Variants in PPP2R5E observed in about 807,000 individuals in gnomAD.
PPP2R5E encodes serine/threonine-protein phosphatase 2A 56 kDa regulatory subunit epsilon isoform.
Under a neutral mutation model 65.3 loss-of-function variants are expected in PPP2R5E, and 4 were observed. The observed-to-expected ratio is 0.06, with a 90% CI of 0.03 to 0.14. The LOEUF (loss-of-function observed/expected upper bound fraction) is 0.14. PPP2R5E is among the 10% of genes least tolerant of loss of function. The pLI is 1.00. For missense variants in PPP2R5E, 274 were observed against 556.1 expected (o/e 0.49, Z 5.10); for synonymous variants, 183 against 187.4 (o/e 0.98, Z 0.19).
intron 2 of PPP2R5E, among the ~76,000 whole-genome samples, chr14:63,499,649 C>T (rs1891758276): frequency 6.6e-6 from 1 of 151,910 alleles, no homozygotes; most frequent in African/African-American, 2.4e-5. Flanking sequence ...ATCACTTGGA[C>T]CTGGGAGGCA....
intron 4 of PPP2R5E, among the ~76,000 whole-genome samples, chr14:63,420,416 T>G (rs1406670953): frequency 6.6e-6 from 1 of 152,122 alleles, no homozygotes; most frequent in African/African-American, 2.4e-5. Flanking sequence ...TTTACAAGTT[T>G]CTTAGATTGC....
Position 63,415,027 on chromosome 14 carries a change from A to T in PPP2R5E, c.549+113T>A, listed in dbSNP as rs45467794. 3,137 of 560,140 alleles carry T rather than the reference A, an allele frequency of 5.6e-3. 11 individuals carry two copies. Among genetic ancestry groups the T allele is most frequent in the Non-Finnish European group, 6.8e-3 (2,155 of 318,312 alleles). 34.7% of individuals were successfully genotyped at this position (560,140 alleles called of 1,614,324 possible). A position where few individuals can be genotyped will look rare whatever the true frequency, so the allele number is the denominator to read the frequency against. On this transcript the variant is annotated intron_variant, in intron 5 of 13. Transcript: ENST00000337537. ...AACTTATGTTTATATATATATATAT[A>T]TTTTGTGGGTGATATAACTGTCATT...
chr14:63,533,040 G>A (rs557549068), intron 2 of PPP2R5E, among the ~76,000 whole-genome samples: 3 of 151,998 alleles, frequency 2.0e-5, no homozygotes, highest in Non-Finnish European at 4.4e-5. Flanking sequence ...CTGCTATGTT[G>A]CACAGGCTGG....
chr14:63,481,353 G>A (rs1320017566), intron 2 of PPP2R5E, among the ~76,000 whole-genome samples: 2 of 151,956 alleles, frequency 1.3e-5, no homozygotes, highest in Non-Finnish European at 2.9e-5. Context: ...AAAATTAGCT[G>A]GGCGTGGTAG....
rs747005702 is a variant in PPP2R5E, at chr14:63,382,082, T to C, written c.1278A>G (p.Thr426=). Reference sequence around the variant, plus strand: ...GCTGACGATCTGACTTGTATGTGGCTGTCAGCTCGTCAAACATGGTGCTGT... The same window carrying C: ...GCTGACGATCTGACTTGTATGTGGCCGTCAGCTCGTCAAACATGGTGCTGT... ...EMNSTMFDEL[T]ATYKSDRQRE... Residue 426 remains threonine, a synonymous_variant, in exon 13 of 14, where the codon ACA becomes ACG. Coordinates refer to ENST00000337537, the MANE Select transcript of PPP2R5E (RefSeq NM_006246.5). The C allele has an allele frequency of 6.2e-7, 1 of 1,613,738 alleles. No individual in the cohort carries two copies. Among genetic ancestry groups the C allele is most frequent in the South Asian group, 1.1e-5 (1 of 90,972 alleles).
chr14:63,480,175 C>T (rs1321277428), intron 2 of PPP2R5E, among the ~76,000 whole-genome samples: 2 of 151,952 alleles, frequency 1.3e-5, no homozygotes, highest in Non-Finnish European at 2.9e-5. Context: ...GTTGGGGTCT[C>T]GGCCAGGTGT....
At position 63,457,647 on chromosome 14, in the gene PPP2R5E, C is replaced by T. The variant is rs566186360; in HGVS notation, c.158-3762G>A. Among the ~76,000 whole-genome samples, 3 of 152,334 alleles carry T rather than the reference C, an allele frequency of 2.0e-5. 1 individual carries two copies. The highest frequency in any genetic ancestry group is 7.2e-5 in the African/African-American group (3 of 41,586). On this transcript the variant is annotated intron_variant, in intron 2 of 13. Coordinates refer to ENST00000337537, the MANE Select transcript of PPP2R5E (RefSeq NM_006246.5). The stretch of plus-strand genomic sequence containing the variant: ...AGTGAAAACCTCTGGCCAGCAGAGG[C>T]CATCCCTGCTCCCAGGAAAGGGATC...
intron 3 of PPP2R5E, among the ~76,000 whole-genome samples, chr14:63,445,857 T>C (rs77643149): frequency 6.7e-6 from 1 of 148,996 alleles, no homozygotes; most frequent in Admixed American, 6.6e-5. Flanking sequence ...AAAAAAAAAA[T>C]GACAATGAAG....
chr14:63,533,762 T>C (rs1893543447), intron 2 of PPP2R5E, among the ~76,000 whole-genome samples: 1 of 152,082 alleles, frequency 6.6e-6, no homozygotes, highest in East Asian at 1.9e-4. Context: ...CTGGCCAACA[T>C]GGAGAAACCC....
intron 12 of PPP2R5E, 101 bp downstream of exon 12, chr14:63,384,342 AC>A: frequency 7.4e-7 from 1 of 1,347,302 alleles, no homozygotes; most frequent in South Asian, 1.2e-5. Flanking sequence ...CTTTTCACAT[AC>A]GTCTTCAGCA....
Position 63,389,814 on chromosome 14 carries a change from GATT to G in PPP2R5E, c.955-86_955-84del, listed in dbSNP as rs1884903574. On this transcript the variant is annotated intron_variant, in intron 10 of 13. Coordinates refer to ENST00000337537, the MANE Select transcript of PPP2R5E (RefSeq NM_006246.5). ...AACAAGGAGGATTAATGAGAGTTTG[GATT>G]ATTTTAAGAAAAATTTACACATAAA... The G allele has an allele frequency of 6.7e-6, 9 of 1,346,904 alleles. 1 individual carries two copies. In the South Asian group the frequency reaches 1.7e-4, roughly 26 times the overall value. The allele number at this position is 1,346,904 out of a possible 1,614,324, so 83.4% of individuals were successfully genotyped here.
At chr14:63,508,692 C>G (rs953843898) in intron 2 of PPP2R5E, among the ~76,000 whole-genome samples, 2 of 152,340 alleles carry the variant, frequency 1.3e-5, no homozygotes, top group East Asian at 3.9e-4. Flanking sequence ...CCCTTCCTCT[C>G]GTAAGAAGCC....
At chr14:63,387,840 G>C (rs1257465974) in intron 11 of PPP2R5E, among the ~76,000 whole-genome samples, 1 of 152,188 alleles carries the variant, frequency 6.6e-6, no homozygotes, top group East Asian at 1.9e-4. Flanking sequence ...TATAAGAAGA[G>C]GAAGAGAGTG....
At chr14:63,471,798 G>A (rs1445305013) in intron 2 of PPP2R5E, among the ~76,000 whole-genome samples, 1 of 152,152 alleles carries the variant, frequency 6.6e-6, no homozygotes, top group Non-Finnish European at 1.5e-5. Flanking sequence ...TATCACTACT[G>A]ATCATTTTTG....
intron 2 of PPP2R5E, among the ~76,000 whole-genome samples, chr14:63,495,165 T>C (rs1342676549): frequency 6.6e-6 from 1 of 151,578 alleles, no homozygotes; most frequent in Non-Finnish European, 1.5e-5. Context: ...AACGCGCCAC[T>C]GCACTCCAGC....
chr14:63,436,155 T>G, intron 3 of PPP2R5E, among the ~76,000 whole-genome samples: 1 of 152,170 alleles, frequency 6.6e-6, no homozygotes, highest in East Asian at 1.9e-4. Context: ...AAAACTGAAT[T>G]GAGTGTTTTC....
chr14:63,448,226 G>A (rs1238561124), intron 3 of PPP2R5E, among the ~76,000 whole-genome samples: 1 of 152,062 alleles, frequency 6.6e-6, no homozygotes, highest in African/African-American at 2.4e-5. Flanking sequence ...GAACCCCGGA[G>A]GCAGAGCTTG....
At chr14:63,435,650 A>T (rs986096253) in intron 3 of PPP2R5E, among the ~76,000 whole-genome samples, 1 of 151,986 alleles carries the variant, frequency 6.6e-6, no homozygotes, top group Non-Finnish European at 1.5e-5. Context: ...AATTTGCCAC[A>T]CCCTCTCTAA....
intron 12 of PPP2R5E, among the ~76,000 whole-genome samples, chr14:63,384,049 T>C (rs1884518663): frequency 6.6e-6 from 1 of 152,152 alleles, no homozygotes; most frequent in Non-Finnish European, 1.5e-5. Context: ...CAGCTGCTTT[T>C]TACATCTTTG....
Sources: gnomAD v4.1 joint callset for allele counts (sites outside exome capture counted in the v4.1 genomes callset) on GRCh38, gnomAD v4.1.1 for gene constraint, MANE v1.5 for transcripts, NCBI Gene and HGNC (gene_info 2026-07-23, HGNC 2026-07-21) for gene names.